Variants in CLSTN2 observed in about 807,000 individuals in gnomAD.
The protein encoded by CLSTN2 is calsyntenin 2.
CLSTN2 carries 48 observed loss-of-function variants against 101.2 expected under a neutral mutation model. The ratio of observed to expected loss-of-function variants is 0.47; its 90% CI spans 0.38 to 0.60. CLSTN2 has a LOEUF of 0.60. Ranked by LOEUF, CLSTN2 falls within the 20% of genes least tolerant of loss-of-function variation. The pLI is 0.00. For missense variants in CLSTN2, 1,160 were observed against 1,238.2 expected (o/e 0.94, Z 0.95); for synonymous variants, 481 against 463.6 (o/e 1.04, Z -0.48).
chr3:140,139,049 G>C (rs1228109170), intron 1 of CLSTN2, among the ~76,000 whole-genome samples: 2 of 152,194 alleles, frequency 1.3e-5, no homozygotes, highest in Non-Finnish European at 2.9e-5. Flanking sequence ...ATAAAAATGT[G>C]AGCAATTGCA....
intron 1 of CLSTN2, among the ~76,000 whole-genome samples, chr3:140,139,087 T>G (rs1463198144): frequency 6.6e-6 from 1 of 152,118 alleles, no homozygotes; most frequent in African/African-American, 2.4e-5. Context: ...TTGCTAAAAA[T>G]GAGGGATGAT....
rs376527110 is a variant in CLSTN2 at position 140,397,638 on chromosome 3, GA to G, written c.233-5990del. Among the ~76,000 whole-genome samples, 59 of 152,272 alleles carry G rather than the reference GA, an allele frequency of 3.9e-4. No homozygotes were observed. In the East Asian group the frequency reaches 9.7e-3, roughly 25 times the overall value. On this transcript the variant is annotated intron_variant, in intron 2 of 16. Transcript: ENST00000458420. ...ACTGTAACCTCACATGGCTGAAGAG[GA>G]CAGGGATCTCTCTGGAGGCTTTTAT...
At chr3:140,244,974 A>T (rs1323100174) in intron 2 of CLSTN2, among the ~76,000 whole-genome samples, 2 of 152,234 alleles carry the variant, frequency 1.3e-5, no homozygotes, top group African/African-American at 2.4e-5. Flanking sequence ...GCTAACATGC[A>T]GGTGCCCCTG....
chr3:140,247,626 G>A (rs912271560), intron 2 of CLSTN2, among the ~76,000 whole-genome samples: 1 of 152,122 alleles, frequency 6.6e-6, no homozygotes, highest in African/African-American at 2.4e-5. Flanking sequence ...TCCCCTGATG[G>A]CCTTGGGTGT....
chr3:140,562,329 C>G lies in CLSTN2; in HGVS notation c.2212+21C>G, dbSNP rs1935933640. On this transcript the variant is annotated intron_variant, in intron 13 of 16. Coordinates refer to ENST00000458420, the MANE Select transcript of CLSTN2 (RefSeq NM_022131.3). The stretch of plus-strand genomic sequence containing the variant: ...CTACGGTAAGGCCACACTCAGCCCC[C>G]TTTGCCCCAAGGGTGTCCTCTTAGA... 4 of 1,604,006 alleles carry G rather than the reference C, an allele frequency of 2.5e-6. No homozygotes were observed. In the African/African-American group the frequency reaches 5.4e-5, roughly 21 times the overall value.
chr3:140,203,461 GTTTTTTTTTTTTTTTTTT>G (rs58182333), intron 2 of CLSTN2, among the ~76,000 whole-genome samples: 2 of 67,898 alleles, frequency 2.9e-5, no homozygotes, highest in African/African-American at 5.5e-5. Context: ...GAAAGTGTGG[GTTTTTTTTTTTTTTTTTT>G]TTTTTTTTTT....
At chr3:140,256,751 G>A (rs536607542) in intron 2 of CLSTN2, among the ~76,000 whole-genome samples, 5 of 152,250 alleles carry the variant, frequency 3.3e-5, no homozygotes, top group African/African-American at 4.8e-5. Flanking sequence ...TATTTGATTC[G>A]GTTCAACAGA....
rs995219084 is a variant in CLSTN2 at position 140,564,109 on chromosome 3, C to T, written c.2631C>T (p.Asp877=). ...CCAAGGAATCTGAGATGGACTGGGA[C>T]GATTCTGCGCTGACTATCACAGTCA... The part of the protein sequence containing the change: ...EAAKESEMDW[D]DSALTITVNP... The change falls in exon 16 of 17, where the codon GAC becomes GAT. Residue 877 remains aspartate, a synonymous_variant. Coordinates refer to ENST00000458420, the MANE Select transcript of CLSTN2 (RefSeq NM_022131.3). 53 of 1,613,946 alleles carry T rather than the reference C, an allele frequency of 3.3e-5. No individual in the cohort carries two copies. The highest frequency in any genetic ancestry group is 1.6e-4 in the East Asian group (7 of 44,884).
intron 2 of CLSTN2, among the ~76,000 whole-genome samples, chr3:140,335,726 T>G (rs1154766): frequency 0.38 from 57,675 of 152,142 alleles, 12,373 homozygotes; most frequent in Non-Finnish European, 0.5. Context: ...TTTCCAAGTA[T>G]CCGCTGGTTC....
At chr3:140,309,715 A>G (rs529480595) in intron 2 of CLSTN2, among the ~76,000 whole-genome samples, 62 of 152,176 alleles carry the variant, frequency 4.1e-4, no homozygotes, top group African/African-American at 1.3e-3. Context: ...CACGTGCCCT[A>G]CCAGAAATTA....
intron 1 of CLSTN2, among the ~76,000 whole-genome samples, chr3:140,030,460 G>C (rs543522116): frequency 6.6e-6 from 1 of 152,154 alleles, no homozygotes; most frequent in African/African-American, 2.4e-5. Context: ...GGTGGGGGTG[G>C]TTCATTCCTG....
intron 2 of CLSTN2, among the ~76,000 whole-genome samples, chr3:140,338,537 A>G (rs922148741): frequency 6.6e-6 from 1 of 151,758 alleles, no homozygotes; most frequent in South Asian, 2.1e-4. Flanking sequence ...AAGGAATGAA[A>G]TTGGGAAATA....
intron 1 of CLSTN2, among the ~76,000 whole-genome samples, chr3:140,041,354 G>T (rs1237225068): frequency 6.6e-6 from 1 of 151,970 alleles, no homozygotes; most frequent in Non-Finnish European, 1.5e-5. Flanking sequence ...AGATAACAGA[G>T]GGGTCAGCAG....
chr3:140,132,381 T>G (rs1399752951), intron 1 of CLSTN2, among the ~76,000 whole-genome samples: 2 of 152,178 alleles, frequency 1.3e-5, no homozygotes, highest in Non-Finnish European at 2.9e-5. Context: ...TCCAAAAATA[T>G]TTTGTAAACC....
intron 1 of CLSTN2, among the ~76,000 whole-genome samples, chr3:140,135,115 C>CAT (rs1560105560): frequency 3.1e-4 from 16 of 52,052 alleles, no homozygotes; most frequent in South Asian, 6.3e-4. Context: ...CACACACACA[C>CAT]ACATATATAT....
intron 2 of CLSTN2, among the ~76,000 whole-genome samples, chr3:140,232,918 G>A (rs1211584172): frequency 6.6e-6 from 1 of 152,086 alleles, no homozygotes; most frequent in Non-Finnish European, 1.5e-5. Context: ...GCCAGAGCCT[G>A]CTGACTGACC....
At chr3:140,349,172 A>C (rs1285011719) in intron 2 of CLSTN2, among the ~76,000 whole-genome samples, 1 of 152,144 alleles carries the variant, frequency 6.6e-6, no homozygotes, top group African/African-American at 2.4e-5. Context: ...GTGAAGAAGG[A>C]TGTGTTTACT....
chr3:140,521,413 T>C (rs1382077949), intron 8 of CLSTN2, among the ~76,000 whole-genome samples: 1 of 152,180 alleles, frequency 6.6e-6, no homozygotes, highest in East Asian at 1.9e-4. Context: ...CTCCAGACCC[T>C]AGTTGCCTCA....
intron 2 of CLSTN2, among the ~76,000 whole-genome samples, chr3:140,328,690 TAG>T (rs1305258411): frequency 2.0e-5 from 3 of 152,188 alleles, no homozygotes; most frequent in Non-Finnish European, 4.4e-5. Flanking sequence ...GGAGACAGTC[TAG>T]ATGTGAACCC....
Sources: gnomAD v4.1 joint callset for allele counts (sites outside exome capture counted in the v4.1 genomes callset) on GRCh38, gnomAD v4.1.1 for gene constraint, MANE v1.5 for transcripts, NCBI Gene and HGNC (gene_info 2026-07-23, HGNC 2026-07-21) for gene names.